The following ITPR2 variants were observed in gnomAD, a reference collection of about 807,000 sequenced individuals.
ITPR2 encodes inositol 1,4,5-trisphosphate receptor type 2.
A neutral mutation model predicts 317.1 loss-of-function variants in ITPR2; 207 were observed. That is an observed-to-expected ratio of 0.65 (90% CI 0.58 to 0.73). The LOEUF (loss-of-function observed/expected upper bound fraction) is 0.73. Among genes scored for constraint, ITPR2 ranks in the 30% least tolerant of loss-of-function variants. The pLI is 0.00. For synonymous variants in ITPR2, 1,156 were observed against 1,149.1 expected (o/e 1.01, Z -0.12); for missense variants, 2,613 against 3,284.0 (o/e 0.80, Z 4.99).
chr12:26,763,392 G>A (rs1949669706), intron 2 of ITPR2, among the ~76,000 whole-genome samples: 1 of 151,992 alleles, frequency 6.6e-6, no homozygotes, highest in Non-Finnish European at 1.5e-5. Flanking sequence ...TGAAAATAAA[G>A]GTATGACTTT....
At chr12:26,516,310 A>AAGGGAAGGGAAGGGAAGGGAAGGGAAG (rs1943511050) in intron 37 of ITPR2, among the ~76,000 whole-genome samples, 1 of 125,072 alleles carries the variant, frequency 8.0e-6, no homozygotes, top group Admixed American at 9.7e-5. Flanking sequence ...AGGAAAGGAA[A>AAGGGAAGGGAAGGGAAGGGAAGGGAAG]GGAAAGGAAA....
intron 1 of ITPR2, among the ~76,000 whole-genome samples, chr12:26,825,354 A>C (rs1255062058): frequency 6.6e-6 from 1 of 152,160 alleles, no homozygotes; most frequent in Non-Finnish European, 1.5e-5. Flanking sequence ...CATAAAATTC[A>C]CTGTTATTAT....
chr12:26,802,861 T>C (rs1245060767), intron 1 of ITPR2, among the ~76,000 whole-genome samples: 2 of 152,146 alleles, frequency 1.3e-5, no homozygotes, highest in Non-Finnish European at 1.5e-5. Context: ...TTCAACACAC[T>C]GCTTAATTAC....
At chr12:26,684,182 G>A (rs749599892) in intron 11 of ITPR2, among the ~76,000 whole-genome samples, 7 of 152,218 alleles carry the variant, frequency 4.6e-5, no homozygotes, top group Non-Finnish European at 7.3e-5. Context: ...CACAGGAGAT[G>A]TAATTTGTAC....
chr12:26,770,746 C>A (rs940216511), intron 2 of ITPR2, among the ~76,000 whole-genome samples: 6 of 152,236 alleles, frequency 3.9e-5, no homozygotes, highest in African/African-American at 1.4e-4. Context: ...GTTCCTCAGG[C>A]TCCTTGCAGC....
chr12:26,343,821 CT>C (rs1938215283), intron 55 of ITPR2, among the ~76,000 whole-genome samples: 1 of 152,078 alleles, frequency 6.6e-6, no homozygotes, highest in Admixed American at 6.5e-5. Flanking sequence ...AGTGCTGACC[CT>C]TTTCTAGGGC....
chr12:26,603,770 G>T (rs940858980), intron 26 of ITPR2, among the ~76,000 whole-genome samples: 3 of 152,168 alleles, frequency 2.0e-5, no homozygotes, highest in African/African-American at 7.2e-5. Flanking sequence ...CTTGCCAGGT[G>T]AAGAAGAAGT....
At chr12:26,590,609 C>A (rs1055845923) in intron 32 of ITPR2, among the ~76,000 whole-genome samples, 1 of 152,104 alleles carries the variant, frequency 6.6e-6, no homozygotes, top group South Asian at 2.1e-4. Flanking sequence ...TCATGATATA[C>A]AAAAATCAAA....
rs146776515 is a variant in ITPR2, at chr12:26,473,400, G to T, written c.6342+1896C>A. Among the ~76,000 whole-genome samples the T allele has an allele frequency of 4.9e-4, 75 of 152,256 alleles. 2 individuals are homozygous for T. The highest frequency in any genetic ancestry group is 1.7e-3 in the African/African-American group (70 of 41,546). On this transcript the variant is annotated intron_variant, in intron 45 of 56. Transcript: ENST00000381340. ...CAGGGCAAGCTTAGCTCATCTGGTT[G>T]TTCATTCCCCACTCAACAGCTACAC...
chr12:26,727,121 C>T (rs894113399), intron 2 of ITPR2, among the ~76,000 whole-genome samples: 1 of 152,176 alleles, frequency 6.6e-6, no homozygotes, highest in East Asian at 1.9e-4. Context: ...TGACCAAAGA[C>T]GGACAGCCTG....
chr12:26,526,970 T>G (rs1943824133), intron 37 of ITPR2, among the ~76,000 whole-genome samples: 1 of 152,200 alleles, frequency 6.6e-6, no homozygotes, highest in African/African-American at 2.4e-5. Context: ...CCTGGGATAT[T>G]TGAAGCCTGG....
intron 34 of ITPR2, among the ~76,000 whole-genome samples, chr12:26,568,819 C>A (rs1945078664): frequency 1.3e-5 from 2 of 152,134 alleles, no homozygotes; most frequent in South Asian, 2.1e-4. Context: ...TCAAAGGACC[C>A]AGAATAAATC....
At chr12:26,457,449 G>C (rs1591801530) in intron 45 of ITPR2, among the ~76,000 whole-genome samples, 1 of 152,282 alleles carries the variant, frequency 6.6e-6, no homozygotes, top group East Asian at 1.9e-4. Flanking sequence ...TGTGAAACTG[G>C]AAGTATTAGA....
At chr12:26,727,930 C>T (rs752574965) in intron 2 of ITPR2, among the ~76,000 whole-genome samples, 10 of 152,090 alleles carry the variant, frequency 6.6e-5, no homozygotes, top group Non-Finnish European at 1.2e-4. Flanking sequence ...AGGGGAGGGG[C>T]GTTCCAAACA....
intron 32 of ITPR2, among the ~76,000 whole-genome samples, chr12:26,585,350 ATAAT>A (rs1467476069): frequency 1.3e-5 from 2 of 152,196 alleles, no homozygotes; most frequent in Admixed American, 6.5e-5. Flanking sequence ...TAGATATATA[ATAAT>A]TTATTTAACC....
chr12:26,387,992 A>T (rs1939714509), intron 54 of ITPR2, among the ~76,000 whole-genome samples: 1 of 152,182 alleles, frequency 6.6e-6, no homozygotes, highest in Non-Finnish European at 1.5e-5. Flanking sequence ...ATGTCATTTT[A>T]CCCAGAAACT....
intron 32 of ITPR2, among the ~76,000 whole-genome samples, chr12:26,593,922 T>A (rs1257957939): frequency 6.6e-6 from 1 of 152,250 alleles, no homozygotes; most frequent in Non-Finnish European, 1.5e-5. Flanking sequence ...GTGACCTTGA[T>A]CTGTTTCAAG....
chr12:26,749,141 T>A (rs756301043), intron 2 of ITPR2, among the ~76,000 whole-genome samples: 7 of 152,210 alleles, frequency 4.6e-5, no homozygotes, highest in Non-Finnish European at 7.3e-5. Context: ...GGTTATTATC[T>A]CTACTCTGCA....
intron 21 of ITPR2, among the ~76,000 whole-genome samples, chr12:26,650,552 T>TA (rs1947225253): frequency 6.6e-6 from 1 of 151,776 alleles, no homozygotes; most frequent in Admixed American, 6.6e-5. Context: ...AGGTGATAAA[T>TA]AAAAAATCTC....
Sources: allele counts gnomAD v4.1 joint callset (sites outside exome capture counted in the v4.1 genomes callset), GRCh38; gene constraint gnomAD v4.1.1; transcripts MANE v1.5; gene names NCBI Gene and HGNC (gene_info 2026-07-23, HGNC 2026-07-21).